The following DAAM1 variants were observed in gnomAD, a reference collection of about 807,000 sequenced individuals.
DAAM1 encodes the protein dishevelled associated activator of morphogenesis 1, also known as disheveled-associated activator of morphogenesis 1.
DAAM1 carries 52 observed loss-of-function variants against 130.0 expected under a neutral mutation model. The ratio of observed to expected loss-of-function variants is 0.40; its 90% CI spans 0.32 to 0.50. DAAM1 has a LOEUF of 0.50. Ranked by LOEUF, DAAM1 falls within the 20% of genes least tolerant of loss-of-function variation. DAAM1 has a pLI of 0.61. For synonymous variants in DAAM1, 452 were observed against 444.5 expected, an observed-to-expected ratio of 1.02 and a Z score of -0.21; for missense variants, 1,134 against 1,303.8, an observed-to-expected ratio of 0.87 and a Z score of 2.01.
chr14:59,234,763 G>C (rs1889236385), intron 1 of DAAM1, among the ~76,000 whole-genome samples: 1 of 152,174 alleles, frequency 6.6e-6, no homozygotes, highest in Non-Finnish European at 1.5e-5. Context: ...GTATGGGTTT[G>C]TCATAAATAG....
intron 1 of DAAM1, among the ~76,000 whole-genome samples, chr14:59,232,110 G>C (rs775654104): frequency 6.6e-6 from 1 of 152,168 alleles, no homozygotes; most frequent in Non-Finnish European, 1.5e-5. Flanking sequence ...CAGTGCTGCT[G>C]CTTAAAGGTT....
intron 1 of DAAM1, among the ~76,000 whole-genome samples, chr14:59,201,363 C>T (rs1888098700): frequency 6.6e-6 from 1 of 152,028 alleles, no homozygotes. Context: ...TGGCTCATGC[C>T]TGTAATCCCA....
intron 3 of DAAM1, 141 bp downstream of exon 3, chr14:59,291,447 A>G (rs61986058): frequency 3.1e-6 from 2 of 640,002 alleles, no homozygotes; most frequent in African/African-American, 3.8e-5. Flanking sequence ...GTGGTGCTAC[A>G]TGTAGCCAGT....
At chr14:59,327,481 C>T (rs553412521) in intron 12 of DAAM1, among the ~76,000 whole-genome samples, 1 of 139,282 alleles carries the variant, frequency 7.2e-6, no homozygotes, top group East Asian at 2.1e-4. Flanking sequence ...CATCTCGGCT[C>T]ACTGCAAGTT....
intron 1 of DAAM1, among the ~76,000 whole-genome samples, chr14:59,238,820 A>G (rs934191100): frequency 6.6e-6 from 1 of 152,188 alleles, no homozygotes; most frequent in African/African-American, 2.4e-5. Flanking sequence ...AAACCATTAA[A>G]TGTATCGCTG....
intron 1 of DAAM1, among the ~76,000 whole-genome samples, chr14:59,252,578 T>G (rs917800765): frequency 6.6e-6 from 1 of 152,212 alleles, no homozygotes; most frequent in Non-Finnish European, 1.5e-5. Context: ...AACTGCCCTA[T>G]AGAGATTAAA....
chr14:59,243,191 A>G (rs991748559), intron 1 of DAAM1, among the ~76,000 whole-genome samples: 3 of 152,182 alleles, frequency 2.0e-5, no homozygotes, highest in Non-Finnish European at 4.4e-5. Context: ...GGCTAGGGAA[A>G]TTCAGAGTCC....
intron 20 of DAAM1, 82 bp from the exon 21 acceptor site, chr14:59,359,315 C>T (rs1013174559): frequency 9.8e-7 from 1 of 1,015,698 alleles, no homozygotes; most frequent in African/African-American, 1.6e-5. Context: ...AAATCATATG[C>T]AGATATTAAC....
In DAAM1 at chr14:59,338,408, C is replaced by T. The variant is rs1459624221; in HGVS notation, c.1969-1666C>T. ...AGGATTTCTTTGTGAACAGTAACTC[C>T]AAGCAGGTAAGTGAGCTACTACCTA... On this transcript the variant is annotated intron_variant, in intron 15 of 24. Coordinates refer to ENST00000360909, the MANE Select transcript of DAAM1 (RefSeq NM_001270520.2). 3.1e-6 allele frequency: 5 copies of T among 1,613,562 alleles called. No homozygotes were observed. In the African/African-American group the frequency reaches 6.7e-5, roughly 22 times the overall value.
At chr14:59,340,610 T>C (rs1430541610) in intron 16 of DAAM1, among the ~76,000 whole-genome samples, 1 of 152,248 alleles carries the variant, frequency 6.6e-6, no homozygotes, top group Non-Finnish European at 1.5e-5. Flanking sequence ...TATGATTTCA[T>C]GTTCTTTTTG....
intron 3 of DAAM1, among the ~76,000 whole-genome samples, chr14:59,307,164 T>A (rs185640826): frequency 2.6e-5 from 4 of 152,270 alleles, no homozygotes; most frequent in Admixed American, 2.0e-4. Context: ...CTCTTAAGAG[T>A]CATCTCTACT....
At chr14:59,296,718 AG>A (rs1456468022) in intron 3 of DAAM1, among the ~76,000 whole-genome samples, 1 of 152,178 alleles carries the variant, frequency 6.6e-6, no homozygotes, top group Non-Finnish European at 1.5e-5. Context: ...CCCGTGATCT[AG>A]AAACTGGCTC....
intron 3 of DAAM1, among the ~76,000 whole-genome samples, chr14:59,294,592 G>A (rs1216126721): frequency 6.6e-6 from 1 of 151,382 alleles, no homozygotes; most frequent in Non-Finnish European, 1.5e-5. Flanking sequence ...TTCATGAAAG[G>A]TCCAAAAAGG....
intron 1 of DAAM1, among the ~76,000 whole-genome samples, chr14:59,229,199 C>A (rs900583339): frequency 6.6e-6 from 1 of 152,162 alleles, no homozygotes; most frequent in Non-Finnish European, 1.5e-5. Context: ...CAAAGACACT[C>A]CCACTTTTCA....
At chr14:59,211,122 T>C (rs1017949029) in intron 1 of DAAM1, among the ~76,000 whole-genome samples, 1 of 152,180 alleles carries the variant, frequency 6.6e-6, no homozygotes, top group Admixed American at 6.5e-5. Context: ...GGTAAAGCAC[T>C]TTAGGTTTGC....
At chr14:59,360,723 C>T (rs1445889663) in intron 21 of DAAM1, 79 bp from the exon 22 acceptor site, 16 of 1,218,220 alleles carry the variant, frequency 1.3e-5, no homozygotes, top group Non-Finnish European at 1.7e-5. Context: ...GACTTCCAAG[C>T]GTGAAATATT....
At chr14:59,347,465 G>A (rs1886126445) in intron 16 of DAAM1, 74 bp from the exon 17 acceptor site, 1 of 1,363,264 alleles carries the variant, frequency 7.3e-7, no homozygotes, top group East Asian at 2.5e-5. Context: ...TCAGCAGCTG[G>A]GGTAGCAAAG....
chr14:59,323,056 C>T lies in DAAM1; in HGVS notation c.605C>T (p.Ser202Phe). Residue 202 changes from serine to phenylalanine, a missense_variant, in exon 6 of 25, where the codon TCT becomes TTT. This residue lies in a region of DAAM1 where 391 missense variants were observed against 521.6 expected (regional missense o/e 0.75). Coordinates refer to ENST00000360909, the MANE Select transcript of DAAM1 (RefSeq NM_001270520.2). ...GGCCGGGCTCACGTCCTGGCTCATT[C>T]TGAGAGTATTAATGTAATTGCTCAG... ...SQGRAHVLAH[S>F]ESINVIAQSL... The T allele has an allele frequency of 6.2e-7, 1 of 1,613,992 alleles. No individual in the cohort carries two copies. Among genetic ancestry groups the T allele is most frequent in the Non-Finnish European group, 8.5e-7 (1 of 1,179,958 alleles).
chr14:59,314,770 A>G (rs1161406827), intron 3 of DAAM1, among the ~76,000 whole-genome samples: 1 of 152,114 alleles, frequency 6.6e-6, no homozygotes, highest in Non-Finnish European at 1.5e-5. Context: ...TTATTCTTCT[A>G]CCTCTTCATC....
Sources: gnomAD v4.1 joint callset for allele counts (sites outside exome capture counted in the v4.1 genomes callset) on GRCh38, gnomAD v4.1.1 for gene constraint, gnomAD v4.1.1 regional missense constraint, MANE v1.5 for transcripts, NCBI Gene and HGNC (gene_info 2026-07-23, HGNC 2026-07-21) for gene names.